The following FBXL2 variants were observed in gnomAD, a reference collection of about 807,000 sequenced individuals.
FBXL2 encodes F-box and leucine rich repeat protein 2.
Under a neutral mutation model 69.2 loss-of-function variants are expected in FBXL2, and 38 were observed. That is an observed-to-expected ratio of 0.55 (90% confidence interval 0.42 to 0.72). The LOEUF (loss-of-function observed/expected upper bound fraction) is 0.72, where lower values mean the gene tolerates loss of function less well. Ranked by LOEUF, FBXL2 falls within the 30% of genes least tolerant of loss-of-function variation. The pLI, the probability that FBXL2 is intolerant of heterozygous loss-of-function variation, is 0.00. For synonymous variants in FBXL2, 192 were observed against 201.3 expected, an observed-to-expected ratio of 0.95 and a Z score of 0.39; for missense variants, 354 against 520.3, an observed-to-expected ratio of 0.68 and a Z score of 3.11.
chr3:33,406,984 C>T (rs2044444756), downstream of FBXL2, among the ~76,000 whole-genome samples: 1 of 152,192 alleles, frequency 6.6e-6, no homozygotes, highest in South Asian at 2.1e-4. Context: ...CTGGATATCC[C>T]TTTTTACTGA....
At chr3:33,399,986 G>T (rs1226564337) in intron 12 of FBXL2, among the ~76,000 whole-genome samples, 1 of 152,172 alleles carries the variant, frequency 6.6e-6, no homozygotes, top group Non-Finnish European at 1.5e-5. Context: ...CTGAACCAAT[G>T]TCAACTGCCT....
At chr3:33,401,527 C>CCACT (rs1330973086) in intron 12 of FBXL2, among the ~76,000 whole-genome samples, 2 of 152,138 alleles carry the variant, frequency 1.3e-5, no homozygotes, top group Middle Eastern at 3.2e-3. Flanking sequence ...TTAACTTGTA[C>CCACT]CACTATCCTT....
downstream of FBXL2, among the ~76,000 whole-genome samples, chr3:33,405,516 A>G (rs553695560): frequency 6.6e-6 from 1 of 152,358 alleles, no homozygotes; most frequent in East Asian, 1.9e-4. Context: ...GAAAGGTGCA[A>G]GTATATCCTT....
chr3:33,418,151 A>G, the FBXL2 span, among the ~76,000 whole-genome samples: 1 of 152,376 alleles, frequency 6.6e-6, no homozygotes, highest in South Asian at 2.1e-4. Flanking sequence ...TGAAAAATAC[A>G]CCATTTATGT....
At chr3:33,345,874 A>G (rs2040393241) in intron 2 of FBXL2, among the ~76,000 whole-genome samples, 1 of 152,228 alleles carries the variant, frequency 6.6e-6, no homozygotes, top group Non-Finnish European at 1.5e-5. Context: ...TGTAGGAAGC[A>G]GTGCTTAGAG....
chr3:33,334,723 A>G (rs1273517414), intron 2 of FBXL2, among the ~76,000 whole-genome samples: 1 of 152,162 alleles, frequency 6.6e-6, no homozygotes, highest in Non-Finnish European at 1.5e-5. Flanking sequence ...TATGCACACT[A>G]TTAAATTACT....
intron 8 of FBXL2, 24 bp from the exon 9 acceptor site, chr3:33,373,820 TGTC>T (rs2042456516): frequency 5.0e-6 from 8 of 1,613,960 alleles, no homozygotes; most frequent in Non-Finnish European, 6.8e-6. Flanking sequence ...GGATTCCAGC[TGTC>T]TTTTGTTTTC....
intron 2 of FBXL2, among the ~76,000 whole-genome samples, chr3:33,350,041 T>C (rs928172101): frequency 3.3e-5 from 5 of 152,224 alleles, no homozygotes; most frequent in Admixed American, 1.3e-4. Context: ...TAACTCATTC[T>C]GGGTGCCCAG....
At chr3:33,382,931 G>T (rs2043158403) in intron 13 of FBXL2, 1 of 151,938 alleles carries the variant, frequency 6.6e-6, no homozygotes, top group Admixed American at 6.6e-5. Context: ...ATTATATGTT[G>T]ACCTTCTTCC....
chr3:33,304,510 A>T (rs2036554772), intron 2 of FBXL2, among the ~76,000 whole-genome samples: 1 of 152,042 alleles, frequency 6.6e-6, no homozygotes, highest in African/African-American at 2.4e-5. Context: ...ACTGCTGTAT[A>T]ATATTCTACT....
At position 33,299,645 on chromosome 3, in the gene FBXL2, CT is replaced by C. The variant is rs544657901; in HGVS notation, c.65+1922del. Among the ~76,000 whole-genome samples, 17 of 152,154 alleles carry C rather than the reference CT, an allele frequency of 1.1e-4. No individual in the cohort carries two copies. In the South Asian group the frequency reaches 3.5e-3, roughly 32 times the overall value. Reference sequence around the variant, plus strand: ...TGTGGTAGTGATCACATTTCAGGGACTTCAGAGGGTGTTTCATTAGTCATCA... The same window carrying C: ...TGTGGTAGTGATCACATTTCAGGGACTCAGAGGGTGTTTCATTAGTCATCA... On this transcript the variant is annotated intron_variant, in intron 2 of 14. Coordinates refer to ENST00000484457, the MANE Select transcript of FBXL2 (RefSeq NM_012157.5).
intron 2 of FBXL2, among the ~76,000 whole-genome samples, chr3:33,343,522 TAATG>T (rs2040221277): frequency 2.6e-5 from 4 of 152,224 alleles, no homozygotes; most frequent in South Asian, 2.1e-4. Context: ...TATAACAACA[TAATG>T]AAGCAATAAA....
intron 13 of FBXL2, 64 bp from the exon 14 acceptor site, chr3:33,383,925 T>A: frequency 6.5e-7 from 1 of 1,541,992 alleles, no homozygotes; most frequent in Non-Finnish European, 9.0e-7. Context: ...TTCCAGCTTT[T>A]TTTTAGGACT....
chr3:33,384,213 G>GC lies in FBXL2; in HGVS notation c.1164+13dup. The GC allele has an allele frequency of 6.2e-7, 1 of 1,612,322 alleles. No homozygotes were observed. The highest frequency in any genetic ancestry group is 8.5e-7 in the Non-Finnish European group (1 of 1,178,958). On this transcript the variant is annotated intron_variant, in intron 14 of 14. Coordinates refer to ENST00000484457, the MANE Select transcript of FBXL2 (RefSeq NM_012157.5). Reference sequence around the variant, plus strand: ...TCAAGCGGATGCGGGTAGGTATGGGGCAGGGGAGTCAGTCACACCTGACAT... The same window carrying GC: ...TCAAGCGGATGCGGGTAGGTATGGGGCCAGGGGAGTCAGTCACACCTGACAT...
chr3:33,280,018 T>G (rs2033798526), intron 1 of FBXL2, among the ~76,000 whole-genome samples: 1 of 152,232 alleles, frequency 6.6e-6, no homozygotes, highest in African/African-American at 2.4e-5. Context: ...GGAAATTAGT[T>G]TTCTTTCTTA....
intron 2 of FBXL2, among the ~76,000 whole-genome samples, chr3:33,306,638 C>A (rs1470580765): frequency 1.3e-5 from 2 of 152,150 alleles, no homozygotes; most frequent in Admixed American, 1.3e-4. Context: ...GAAGTTCCCA[C>A]AGTCTGGATG....
At chr3:33,351,684 T>C (rs1348268495) in intron 2 of FBXL2, among the ~76,000 whole-genome samples, 1 of 152,208 alleles carries the variant, frequency 6.6e-6, no homozygotes, top group Non-Finnish European at 1.5e-5. Flanking sequence ...AGAACTCTTA[T>C]TCATTGTTGG....
intron 14 of FBXL2, 127 bp downstream of exon 14, chr3:33,384,328 A>G (rs2043266780): frequency 1.2e-6 from 1 of 862,168 alleles, no homozygotes; most frequent in Admixed American, 2.2e-5. Context: ...TCAGAAGCCA[A>G]GGTGGGTGGA....
intron 2 of FBXL2, among the ~76,000 whole-genome samples, chr3:33,335,098 C>G (rs1278209490): frequency 2.0e-5 from 3 of 149,416 alleles, no homozygotes; most frequent in African/African-American, 7.5e-5. Context: ...GAGACCTTGT[C>G]TCAAATAATA....
Sources: allele counts gnomAD v4.1 joint callset (sites outside exome capture counted in the v4.1 genomes callset), GRCh38; gene constraint gnomAD v4.1.1; transcripts MANE v1.5; gene names NCBI Gene and HGNC (gene_info 2026-07-23, HGNC 2026-07-21).